The following MAGI1 variants were observed in gnomAD, a reference collection of about 807,000 sequenced individuals.
MAGI1 encodes membrane-associated guanylate kinase, WW and PDZ domain-containing protein 1.
A neutral mutation model predicts 139.9 loss-of-function variants in MAGI1; 58 were observed. The ratio of observed to expected loss-of-function variants is 0.41; its 90% CI spans 0.34 to 0.52. The LOEUF is 0.52. MAGI1 is among the 20% of genes least tolerant of loss of function. The pLI is 0.12. For synonymous variants in MAGI1, 812 were observed against 737.9 expected (o/e 1.10, Z -1.63); for missense variants, 1,874 against 1,901.6 (o/e 0.99, Z 0.27).
chr3:65,750,978 T>A (rs1485492921), intron 1 of MAGI1, among the ~76,000 whole-genome samples: 1 of 152,204 alleles, frequency 6.6e-6, no homozygotes, highest in East Asian at 1.9e-4. Flanking sequence ...ACCAGGCAAG[T>A]GATTCAACTT....
At chr3:65,469,024 T>C (rs1950381174) in intron 5 of MAGI1, among the ~76,000 whole-genome samples, 2 of 151,740 alleles carry the variant, frequency 1.3e-5, no homozygotes, top group Admixed American at 6.6e-5. Context: ...GTATAAAAAA[T>C]TCACAACGCA....
intron 3 of MAGI1, among the ~76,000 whole-genome samples, chr3:65,491,454 C>G (rs1952025887): frequency 6.6e-6 from 1 of 152,084 alleles, no homozygotes; most frequent in African/African-American, 2.4e-5. Context: ...CCTTTCCGAC[C>G]CAATCCTCTT....
intron 12 of MAGI1, among the ~76,000 whole-genome samples, chr3:65,417,279 C>T (rs1190025982): frequency 1.3e-5 from 2 of 152,064 alleles, no homozygotes; most frequent in African/African-American, 4.8e-5. Flanking sequence ...ACACATTTAC[C>T]TATGGAACAA....
At chr3:65,464,569 G>A (rs146261360) in intron 5 of MAGI1, among the ~76,000 whole-genome samples, 16 of 152,152 alleles carry the variant, frequency 1.1e-4, no homozygotes, top group African/African-American at 3.6e-4. Context: ...TACTGTATCT[G>A]ACATTAATAT....
At chr3:65,616,020 C>A (rs7612644) in intron 2 of MAGI1, among the ~76,000 whole-genome samples, 78,211 of 151,974 alleles carry the variant, frequency 0.51, 20,827 homozygotes, top group African/African-American at 0.62. Flanking sequence ...TCGTTGCTAG[C>A]CATGAAAGTC....
chr3:65,446,214 A>G (rs1340992356), intron 7 of MAGI1, among the ~76,000 whole-genome samples: 3 of 152,246 alleles, frequency 2.0e-5, no homozygotes, highest in Non-Finnish European at 2.9e-5. Flanking sequence ...AATAGCTAAT[A>G]GAATGTGCTG....
chr3:65,490,007 G>A (rs1045087419), intron 3 of MAGI1, among the ~76,000 whole-genome samples: 1 of 152,106 alleles, frequency 6.6e-6, no homozygotes, highest in Non-Finnish European at 1.5e-5. Context: ...TTCAGGAGGG[G>A]AAAAAAGATG....
chr3:65,510,230 T>G (rs1349086123), intron 2 of MAGI1, among the ~76,000 whole-genome samples: 13 of 152,160 alleles, frequency 8.5e-5, no homozygotes, highest in Non-Finnish European at 1.5e-4. Context: ...AACTGGAAAC[T>G]GTAAAACGCA....
chr3:65,791,256 T>G (rs1304950083), intron 1 of MAGI1, among the ~76,000 whole-genome samples: 2 of 152,076 alleles, frequency 1.3e-5, no homozygotes, highest in African/African-American at 4.8e-5. Context: ...CACACTCTCC[T>G]CCTTCGAAGC....
At chr3:65,867,491 G>T (rs192342181) in intron 1 of MAGI1, among the ~76,000 whole-genome samples, 6 of 152,252 alleles carry the variant, frequency 3.9e-5, no homozygotes, top group Non-Finnish European at 8.8e-5. Context: ...TCCTAGCACT[G>T]TGGGCGGCCG....
chr3:65,689,293 A>G (rs1158936782), intron 1 of MAGI1, among the ~76,000 whole-genome samples: 1 of 152,162 alleles, frequency 6.6e-6, no homozygotes, highest in African/African-American at 2.4e-5. Context: ...TAAAGACAAG[A>G]TTGGATTTTC....
chr3:65,996,440 A>T (rs1305043352), intron 1 of MAGI1, among the ~76,000 whole-genome samples: 1 of 151,870 alleles, frequency 6.6e-6, no homozygotes, highest in African/African-American at 2.4e-5. Flanking sequence ...CACACCAAAA[A>T]CTAAAAAAGA....
At chr3:65,685,460 A>C (rs911316727) in intron 1 of MAGI1, among the ~76,000 whole-genome samples, 3 of 152,190 alleles carry the variant, frequency 2.0e-5, no homozygotes, top group Non-Finnish European at 4.4e-5. Flanking sequence ...TATCGTTTTC[A>C]TATTCCAGTG....
chr3:65,771,314 C>CAAAA (rs59932981), intron 1 of MAGI1, among the ~76,000 whole-genome samples: 1 of 141,144 alleles, frequency 7.1e-6, no homozygotes. Flanking sequence ...CTCAATGTCT[C>CAAAA]AAAAAAAAAA....
chr3:65,528,215 C>T (rs1247723987), intron 2 of MAGI1, among the ~76,000 whole-genome samples: 1 of 152,160 alleles, frequency 6.6e-6, no homozygotes, highest in Admixed American at 6.5e-5. Context: ...ATTTTTACCT[C>T]GCTTTTCTTT....
At chr3:65,556,930 C>T (rs2080111343) in intron 2 of MAGI1, among the ~76,000 whole-genome samples, 1 of 152,146 alleles carries the variant, frequency 6.6e-6, no homozygotes, top group Admixed American at 6.5e-5. Flanking sequence ...TACTGGCCTT[C>T]GTTCACTGTT....
chr3:65,985,436 C>T (rs1194535034), intron 1 of MAGI1, among the ~76,000 whole-genome samples: 8 of 152,158 alleles, frequency 5.3e-5, no homozygotes, highest in Non-Finnish European at 1.0e-4. Context: ...ATACAGGCTC[C>T]TCCTTGGAAA....
At chr3:65,589,158 G>T (rs1337572094) in intron 2 of MAGI1, among the ~76,000 whole-genome samples, 1 of 152,186 alleles carries the variant, frequency 6.6e-6, no homozygotes, top group Non-Finnish European at 1.5e-5. Context: ...AACTTGAATA[G>T]TTGAAAATGA....
chr3:65,694,113 T>C (rs1467040279), intron 1 of MAGI1, among the ~76,000 whole-genome samples: 4 of 152,230 alleles, frequency 2.6e-5, no homozygotes, highest in South Asian at 2.1e-4. Flanking sequence ...AGATGAAAAC[T>C]GGTGATGTAA....
Sources: allele counts gnomAD v4.1 joint callset (sites outside exome capture counted in the v4.1 genomes callset), GRCh38; gene constraint gnomAD v4.1.1; transcripts MANE v1.5; gene names NCBI Gene and HGNC (gene_info 2026-07-23, HGNC 2026-07-21).